PATJ: variants seen among roughly 807,000 people sequenced by gnomAD.
PATJ encodes inaD-like protein.
PATJ carries 190 observed loss-of-function variants against 224.9 expected under a neutral mutation model. The observed-to-expected ratio is 0.84, with a 90% CI of 0.75 to 0.95. The LOEUF is 0.95. PATJ is among the 40% of genes least tolerant of loss of function. The pLI is 0.00. For synonymous variants in PATJ, 769 were observed against 820.3 expected, an observed-to-expected ratio of 0.94 and a Z score of 1.07; for missense variants, 2,121 against 2,270.3, an observed-to-expected ratio of 0.93 and a Z score of 1.34.
chr1:61,748,912 G>A (rs1260875341), intron 1 of PATJ, among the ~76,000 whole-genome samples: 1 of 152,156 alleles, frequency 6.6e-6, no homozygotes, highest in Admixed American at 6.6e-5. Context: ...TTTGTTGAAT[G>A]TGTACCATGT....
chr1:62,147,747 C>T (rs1264546579), intron 41 of PATJ, among the ~76,000 whole-genome samples: 5 of 150,968 alleles, frequency 3.3e-5, no homozygotes, highest in African/African-American at 1.2e-4. Flanking sequence ...TGTAGTGAGC[C>T]GAGATCGTGC....
chr1:61,999,360 G>A (rs1385815902), intron 28 of PATJ, among the ~76,000 whole-genome samples: 2 of 152,090 alleles, frequency 1.3e-5, no homozygotes, highest in African/African-American at 4.8e-5. Flanking sequence ...TCTTATATTA[G>A]CCTTTTGTAT....
At chr1:62,101,259 CTT>C (rs916854253) in intron 33 of PATJ, among the ~76,000 whole-genome samples, 1 of 122,602 alleles carries the variant, frequency 8.2e-6, no homozygotes, top group Non-Finnish European at 1.7e-5. Context: ...CTTTTCTTTT[CTT>C]TTTTTTTTTT....
intron 12 of PATJ, among the ~76,000 whole-genome samples, chr1:61,803,309 A>AT (rs567852980): frequency 2.4e-4 from 36 of 150,222 alleles, no homozygotes; most frequent in East Asian, 1.7e-3. Flanking sequence ...AAAACATTCA[A>AT]TTTTTTTTTT....
rs754367265 is a variant in PATJ at position 61,990,179 on chromosome 1, CAA to C, written c.3684_3685del (p.Arg1229IlefsTer12). 1.3e-6 allele frequency: 2 copies of C among 1,594,172 alleles called. No homozygotes were observed. The highest frequency in any genetic ancestry group is 4.5e-5 in the East Asian group (2 of 44,512). On this transcript the variant is annotated frameshift_variant, in exon 28 of 44. Coordinates refer to ENST00000642238, the MANE Select transcript of PATJ (RefSeq NM_001350145.3). LOFTEE classifies it high-confidence loss of function. ...AATTCTTTTAATAGAAAAAATCAGA[CAA>C]AGATATGCAGATCTGCCTGGAGAAC... is the stretch of plus-strand genomic sequence containing the variant. ...EDAFTDQKIR[Q>X]RYADLPGELH...
intron 29 of PATJ, among the ~76,000 whole-genome samples, chr1:62,025,188 TG>T (rs1333713524): frequency 1.3e-5 from 2 of 152,254 alleles, no homozygotes; most frequent in Non-Finnish European, 2.9e-5. Flanking sequence ...TGCATCTTCC[TG>T]TCACTTGTAA....
chr1:62,003,606 G>A (rs1272009098), intron 28 of PATJ, among the ~76,000 whole-genome samples: 1 of 152,140 alleles, frequency 6.6e-6, no homozygotes, highest in Admixed American at 6.5e-5. Flanking sequence ...TTTGCCCAAG[G>A]TATTAAGAAG....
chr1:62,127,933 T>C (rs549936645), intron 39 of PATJ, 39 bp from the exon 40 acceptor site: 1 of 1,610,566 alleles, frequency 6.2e-7, no homozygotes, highest in African/African-American at 1.3e-5. Context: ...TGTGGCTCTT[T>C]ATTAAATATA....
At chr1:61,806,566 C>T (rs1218938239) in intron 13 of PATJ, among the ~76,000 whole-genome samples, 1 of 148,794 alleles carries the variant, frequency 6.7e-6, no homozygotes, top group Non-Finnish European at 1.5e-5. Context: ...TTGCAGTGAG[C>T]GGAGATCATG....
At chr1:62,054,629 T>C (rs1209139249) in intron 31 of PATJ, among the ~76,000 whole-genome samples, 1 of 152,186 alleles carries the variant, frequency 6.6e-6, no homozygotes, top group Non-Finnish European at 1.5e-5. Context: ...AAGTGTCTGG[T>C]ATCTATTTCA....
intron 28 of PATJ, among the ~76,000 whole-genome samples, chr1:62,012,762 A>G (rs1646527311): frequency 6.6e-6 from 1 of 152,242 alleles, no homozygotes; most frequent in Non-Finnish European, 1.5e-5. Flanking sequence ...GACCTCTCCT[A>G]AAAGCGAATG....
At position 62,161,341 on chromosome 1, in the gene PATJ, T is replaced by C. The variant is rs955801022; in HGVS notation, c.*287T>C. 4.1e-5 allele frequency: 9 copies of C among 222,142 alleles called. No individual in the cohort carries two copies. The highest frequency in any genetic ancestry group is 1.7e-4 in the African/African-American group (6 of 35,078). The allele number at this position is 222,142 out of a possible 1,614,324, so 13.8% of individuals were successfully genotyped here. On this transcript the variant is annotated 3_prime_UTR_variant, in exon 44 of 44. Transcript: ENST00000642238. ...TCAGTGTTCCGATTTCTTTTTTTTTTTTTTTTTTTTTTTTTGAGACGGAGT... is the reference window on the plus strand; with the variant it reads ...TCAGTGTTCCGATTTCTTTTTTTTTCTTTTTTTTTTTTTTTGAGACGGAGT...
At chr1:61,939,957 A>G (rs1030910754) in intron 27 of PATJ, among the ~76,000 whole-genome samples, 2 of 151,904 alleles carry the variant, frequency 1.3e-5, no homozygotes, top group Non-Finnish European at 2.9e-5. Context: ...TACAGGTGTG[A>G]GCCACCGCGC....
intron 16 of PATJ, among the ~76,000 whole-genome samples, chr1:61,828,098 C>A (rs1658602521): frequency 6.6e-6 from 1 of 152,010 alleles, no homozygotes; most frequent in Admixed American, 6.6e-5. Context: ...AAAAAATTAG[C>A]CAGGCATGGT....
chr1:62,020,438 C>T (rs1647015686), intron 29 of PATJ, among the ~76,000 whole-genome samples: 1 of 152,032 alleles, frequency 6.6e-6, no homozygotes, highest in South Asian at 2.1e-4. Context: ...GAATAGAGTC[C>T]AAAGGAAATA....
At position 62,114,061 on chromosome 1, in the gene PATJ, G is replaced by A; in HGVS notation, c.4470G>A (p.Gly1490=). Residue 1490 remains glycine (G), a synonymous_variant, in exon 35 of 44, where the codon GGG becomes GGA. Transcript: ENST00000642238. ...GATGCCCATTGTTCCAGGTTAATGG[G>A]GTTGACCTGAGGAACTCCAGCCACG... ...WAGDQILEVN[G]VDLRNSSHEE... is the part of the protein sequence containing the mutation. 6.2e-7 allele frequency: 1 copy of A among 1,613,976 alleles called. No individual in the cohort carries two copies. The highest frequency in any genetic ancestry group is 8.5e-7 in the Non-Finnish European group (1 of 1,179,906).
chr1:61,918,189 G>A (rs1435676207), intron 26 of PATJ: 1 of 145,194 alleles, frequency 6.9e-6, no homozygotes, highest in Non-Finnish European at 1.5e-5. Flanking sequence ...TTCTTTAATA[G>A]TTATTGAATC....
chr1:61,950,252 A>AT (rs1195163758), intron 27 of PATJ, among the ~76,000 whole-genome samples: 1 of 152,140 alleles, frequency 6.6e-6, no homozygotes, highest in Non-Finnish European at 1.5e-5. Flanking sequence ...ACAGCAACGT[A>AT]TTTTTTTGAC....
intron 42 of PATJ, among the ~76,000 whole-genome samples, chr1:62,150,679 GAAAAAAAA>G (rs56167585): frequency 0.033 from 2,684 of 82,088 alleles, 31 homozygotes; most frequent in African/African-American, 0.047. Flanking sequence ...CCTGTCTCAA[GAAAAAAAA>G]AAAAAAAAAA....
Sources: gnomAD v4.1 joint callset for allele counts (sites outside exome capture counted in the v4.1 genomes callset) on GRCh38, gnomAD v4.1.1 for gene constraint, MANE v1.5 for transcripts, NCBI Gene and HGNC (gene_info 2026-07-23, HGNC 2026-07-21) for gene names.